The following EFCAB13 variants were observed in gnomAD, a reference collection of about 807,000 sequenced individuals.
The protein encoded by EFCAB13 is EF-hand calcium-binding domain-containing protein 13.
EFCAB13 carries 91 observed loss-of-function variants against 110.2 expected under a neutral mutation model. The observed-to-expected ratio is 0.83, with a 90% CI of 0.70 to 0.98. The LOEUF (loss-of-function observed/expected upper bound fraction) is 0.98. Among genes scored for constraint, EFCAB13 ranks in the 50% least tolerant of loss-of-function variants. EFCAB13 has a pLI of 0.00. For missense variants in EFCAB13, 968 were observed against 1,119.4 expected, an observed-to-expected ratio of 0.86 and a Z score of 1.93; for synonymous variants, 323 against 369.9, an observed-to-expected ratio of 0.87 and a Z score of 1.45.
At chr17:47,344,098 C>A in intron 6 of EFCAB13, 64 bp from the exon 7 acceptor site, 1 of 1,535,920 alleles carries the variant, frequency 6.5e-7, no homozygotes, top group Non-Finnish European at 8.8e-7. Context: ...GTTGTATCAT[C>A]CAAGAATGCT....
At position 47,358,860 on chromosome 17, in the gene EFCAB13, A is replaced by G. The variant is rs867381498; in HGVS notation, c.662-2518A>G. ...AAATGCCACAAACCTCACTGTTCTT[A>G]TTGAGACTCAGTCATTTTTCTTGAA... On this transcript the variant is annotated intron_variant, in intron 9 of 24. Transcript: ENST00000331493. 3.9e-5 allele frequency among the ~76,000 whole-genome samples: 6 copies of G among 152,166 alleles called. No homozygotes were observed. The South Asian group carries it at 1.0e-3, about 26-fold the overall frequency.
At position 47,379,351 on chromosome 17, in the gene EFCAB13, T is replaced by C. The variant is rs933438584; in HGVS notation, c.1582+98T>C. On this transcript the variant is annotated intron_variant, in intron 14 of 24. Coordinates refer to ENST00000331493, the MANE Select transcript of EFCAB13 (RefSeq NM_152347.5). ...ACTGGGCTTGCTTTTGGATGGATACTTAATAGTCCTGTGACTCTTAGGCAA... is the reference window on the plus strand; with the variant it reads ...ACTGGGCTTGCTTTTGGATGGATACCTAATAGTCCTGTGACTCTTAGGCAA... 6 of 894,896 alleles carry C rather than the reference T, an allele frequency of 6.7e-6. No homozygotes were observed. In the Admixed American group the frequency reaches 1.1e-4, roughly 17 times the overall value. 55.4% of individuals were successfully genotyped at this position (894,896 alleles called of 1,614,324 possible).
intron 5 of EFCAB13, among the ~76,000 whole-genome samples, chr17:47,338,593 T>G (rs138134287): frequency 6.6e-6 from 1 of 152,168 alleles, no homozygotes; most frequent in African/African-American, 2.4e-5. Context: ...AGAATAGAAT[T>G]GAAAACATTA....
At chr17:47,392,977 ACAACT>A (rs1567796805) in intron 15 of EFCAB13, among the ~76,000 whole-genome samples, 2 of 152,354 alleles carry the variant, frequency 1.3e-5, no homozygotes, top group East Asian at 3.9e-4. Context: ...TTACAAACCA[ACAACT>A]CAACAGATAT....
chr17:47,328,460 A>G, intron 4 of EFCAB13, 77 bp downstream of exon 4: 1 of 1,153,970 alleles, frequency 8.7e-7, no homozygotes, highest in Non-Finnish European at 1.2e-6. Flanking sequence ...CATATTCATA[A>G]TCAGTAAGCA....
chr17:47,386,604 T>C (rs957668302), intron 14 of EFCAB13, among the ~76,000 whole-genome samples: 2 of 152,084 alleles, frequency 1.3e-5, no homozygotes, highest in Admixed American at 1.3e-4. Context: ...CGAGACCACT[T>C]GGCTCCCTGG....
intron 3 of EFCAB13, among the ~76,000 whole-genome samples, chr17:47,327,792 G>A (rs1184585565): frequency 6.6e-6 from 1 of 152,148 alleles, no homozygotes; most frequent in South Asian, 2.1e-4. Context: ...TGTTTTGAAA[G>A]GCAATGTTCT....
chr17:47,377,547 G>T, intron 12 of EFCAB13: 1 of 291,972 alleles, frequency 3.4e-6, no homozygotes. Context: ...GATTATAAAT[G>T]TTTATAGAAT....
intron 4 of EFCAB13, among the ~76,000 whole-genome samples, chr17:47,330,409 C>A (rs1567778476): frequency 6.6e-6 from 1 of 151,810 alleles, no homozygotes; most frequent in Non-Finnish European, 1.5e-5. Flanking sequence ...GTACCTGTTA[C>A]CTGAATAGTA....
At position 47,404,019 on chromosome 17, in the gene EFCAB13, C is replaced by A; in HGVS notation, c.2159C>A (p.Ser720Tyr). The change falls in exon 19 of 25, where the codon TCT (serine) becomes TAT (tyrosine). Residue 720 changes from serine (S) to tyrosine (Y), a missense_variant and splice_region_variant. Ser to Tyr is a moderately radical substitution (Grantham distance 144). Transcript: ENST00000331493. ...VEKILQSDFVSEDNMVNIKDC... is the reference protein window; with the variant it reads ...VEKILQSDFVYEDNMVNIKDC... ...AAAATTCTTCAATCAGATTTTGTTT[C>A]TGGTAAGCATTTTAAATATTACTCT... 1 of 1,584,146 alleles carries A rather than the reference C, an allele frequency of 6.3e-7. No individual in the cohort carries two copies. The highest frequency in any genetic ancestry group is 8.6e-7 in the Non-Finnish European group (1 of 1,168,948).
rs1046152095 is a variant in EFCAB13 at position 47,374,391 on chromosome 17, C to T, written c.878-81C>T. ...AACTGATAATTTCTTGAATAGTTTTCATGAGGACTTAGTTGTTATTTTTGA... is the reference window on the plus strand; with the variant it reads ...AACTGATAATTTCTTGAATAGTTTTTATGAGGACTTAGTTGTTATTTTTGA... On this transcript the variant is annotated intron_variant, in intron 11 of 24. Transcript: ENST00000331493. 6 of 1,179,436 alleles carry T rather than the reference C, an allele frequency of 5.1e-6. No individual in the cohort carries two copies. The Admixed American group carries it at 1.1e-4, about 22-fold the overall frequency. 73.1% of individuals were successfully genotyped at this position (1,179,436 alleles called of 1,614,324 possible).
intron 14 of EFCAB13, among the ~76,000 whole-genome samples, chr17:47,388,239 G>A (rs1340371593): frequency 6.6e-6 from 1 of 152,210 alleles, no homozygotes; most frequent in African/African-American, 2.4e-5. Flanking sequence ...CCAAGATGGT[G>A]GGGAAGCTGG....
At position 47,414,907 on chromosome 17, in the gene EFCAB13, C is replaced by G; in HGVS notation, c.2482C>G (p.Gln828Glu). 1 of 1,599,226 alleles carries G rather than the reference C, an allele frequency of 6.3e-7. No individual in the cohort carries two copies. The highest frequency in any genetic ancestry group is 2.2e-5 in the East Asian group (1 of 44,546). The change falls in exon 23 of 25, where the codon CAA becomes GAA. Residue 828 changes from glutamine to glutamate, a missense_variant. Coordinates refer to ENST00000331493, the MANE Select transcript of EFCAB13 (RefSeq NM_152347.5). ...GAAAATGAAAGAAAGTCCACATTTC[C>G]AAAAGTCCAAGGGTAAGTGAATACT... ...LMKMKESPHF[Q>E]KSKATQILLA...
Position 47,335,317 on chromosome 17 carries a change from C to T in EFCAB13, c.152C>T (p.Ser51Leu), listed in dbSNP as rs1449910473. The T allele has an allele frequency of 6.2e-7, 1 of 1,605,862 alleles. No individual in the cohort carries two copies. Among genetic ancestry groups the T allele is most frequent in the Admixed American group, 1.7e-5 (1 of 58,344 alleles). Residue 51 changes from serine (S) to leucine (L), a missense_variant, in exon 5 of 25, where the codon TCA (serine) becomes TTA (leucine). Physicochemically the swap from Ser to Leu is moderately radical, Grantham distance 145 (BLOSUM62 -2). Transcript: ENST00000331493. The part of the protein sequence containing the change: ...KFSKTIEKEI[S>L]PEIRSLSPEY... ...TCTAAAACAATAGAGAAGGAAATTT[C>T]ACCGGAAATTAGGAGTTTGAGCCCA...
chr17:47,333,588 G>A (rs1378358649), intron 4 of EFCAB13, among the ~76,000 whole-genome samples: 2 of 151,986 alleles, frequency 1.3e-5, no homozygotes, highest in African/African-American at 4.8e-5. Context: ...AATCTTTAAT[G>A]CATTTTAAAT....
intron 14 of EFCAB13, among the ~76,000 whole-genome samples, chr17:47,390,754 A>G (rs767597058): frequency 1.3e-5 from 2 of 152,172 alleles, no homozygotes; most frequent in Non-Finnish European, 2.9e-5. Context: ...GAAGCAGAGT[A>G]CAAAGAATTT....
intron 9 of EFCAB13, among the ~76,000 whole-genome samples, chr17:47,361,074 C>G (rs1162272418): frequency 6.6e-6 from 1 of 152,166 alleles, no homozygotes; most frequent in Admixed American, 6.5e-5. Context: ...TGGGGACCCC[C>G]AGATTTGGTT....
At chr17:47,348,272 A>G (rs906579045) in intron 9 of EFCAB13, among the ~76,000 whole-genome samples, 6 of 151,766 alleles carry the variant, frequency 4.0e-5, no homozygotes, top group African/African-American at 1.2e-4. Flanking sequence ...ACTTGACCCA[A>G]CCACCCAAAA....
At chr17:47,386,673 T>C (rs1289627911) in intron 14 of EFCAB13, among the ~76,000 whole-genome samples, 1 of 152,002 alleles carries the variant, frequency 6.6e-6, no homozygotes, top group African/African-American at 2.4e-5. Context: ...CAGGTGCCTC[T>C]GGGGTACAAA....
Sources: gnomAD v4.1 joint callset for allele counts (sites outside exome capture counted in the v4.1 genomes callset) on GRCh38, gnomAD v4.1.1 for gene constraint, MANE v1.5 for transcripts, NCBI Gene and HGNC (gene_info 2026-07-23, HGNC 2026-07-21) for gene names.